SEC31A: variants seen among roughly 807,000 people sequenced by gnomAD.
SEC31A encodes protein transport protein Sec31A.
Under a neutral mutation model 151.0 loss-of-function variants are expected in SEC31A, and 70 were observed. That is an observed-to-expected ratio of 0.46 (90% confidence interval 0.38 to 0.57). SEC31A has a LOEUF of 0.57. Among genes scored for constraint, SEC31A ranks in the 20% least tolerant of loss-of-function variants. The pLI is 0.00. For missense variants in SEC31A, 1,330 were observed against 1,471.2 expected (o/e 0.90, Z 1.57); for synonymous variants, 475 against 505.9 (o/e 0.94, Z 0.82).
chr4:82,870,226 A>G (rs1736338430), intron 8 of SEC31A, 99 bp downstream of exon 8: 5 of 831,928 alleles, frequency 6.0e-6, no homozygotes, highest in South Asian at 1.7e-5. Context: ...TACTCTTCAC[A>G]TAGTAATCCA....
chr4:82,867,664 C>G (rs767100619), intron 8 of SEC31A, among the ~76,000 whole-genome samples: 7 of 152,070 alleles, frequency 4.6e-5, no homozygotes, highest in Non-Finnish European at 7.4e-5. Context: ...CAGGGTCTCG[C>G]TCTGTCGCCC....
intron 22 of SEC31A, among the ~76,000 whole-genome samples, chr4:82,834,726 T>C (rs182969258): frequency 2.0e-5 from 3 of 152,340 alleles, no homozygotes; most frequent in South Asian, 4.1e-4. Context: ...ACAGTCCTTT[T>C]ATTAATTTAA....
chr4:82,842,023 G>T, intron 22 of SEC31A, 117 bp downstream of exon 22: 1 of 834,276 alleles, frequency 1.2e-6, no homozygotes, highest in Non-Finnish European at 1.8e-6. Context: ...CCAAACCTCA[G>T]TCAACACCTC....
At chr4:82,892,061 CCA>C (rs566393128), upstream of SEC31A, among the ~76,000 whole-genome samples, 719 of 152,322 alleles carry the variant, frequency 4.7e-3, 3 homozygotes, top group Non-Finnish European at 8.1e-3. Flanking sequence ...GTTAACATTC[CCA>C]CAGTCAGCTA....
intron 22 of SEC31A, chr4:82,831,045 ATTGTTTCTTCTCCC>A: frequency 1.8e-6 from 1 of 547,926 alleles, no homozygotes; most frequent in Non-Finnish European, 2.5e-6. Context: ...TCATTTTATA[ATTGTTTCTTCTCCC>A]TTCATTAATC....
intron 16 of SEC31A, 62 bp from the exon 17 acceptor site, chr4:82,855,091 T>C: frequency 7.3e-7 from 1 of 1,365,852 alleles, no homozygotes; most frequent in Non-Finnish European, 9.8e-7. Flanking sequence ...AAATTAATTC[T>C]GACTAATTAA....
intron 1 of SEC31A, chr4:82,890,749 A>T: frequency 8.6e-7 from 1 of 1,158,368 alleles, no homozygotes; most frequent in South Asian, 3.7e-5. Flanking sequence ...CGGGGACCGC[A>T]CCTCTTTGTG....
chr4:82,845,217 G>A, intron 20 of SEC31A: 1 of 1,532,784 alleles, frequency 6.5e-7, no homozygotes, highest in Non-Finnish European at 8.7e-7. Context: ...GTCAGAGGGA[G>A]AGGCTGCAGG....
chr4:82,836,463 T>C (rs1727330909), intron 22 of SEC31A, among the ~76,000 whole-genome samples: 1 of 149,698 alleles, frequency 6.7e-6, no homozygotes, highest in Non-Finnish European at 1.5e-5. Context: ...TTATTCACAA[T>C]AGACAAAGTG....
chr4:82,893,165 C>A (rs1020749), upstream of SEC31A: 1 of 152,044 alleles, frequency 6.6e-6, no homozygotes, highest in Admixed American at 6.5e-5. Context: ...ACATCCAGGG[C>A]GCAAGTGATC....
intron 22 of SEC31A, among the ~76,000 whole-genome samples, chr4:82,834,018 G>C (rs945973083): frequency 1.5e-4 from 23 of 152,080 alleles, no homozygotes; most frequent in Non-Finnish European, 1.2e-4. Flanking sequence ...TTTTCATCTG[G>C]GGTTTACCTG....
chr4:82,883,912 T>C (rs1274196208), intron 1 of SEC31A, among the ~76,000 whole-genome samples: 1 of 151,870 alleles, frequency 6.6e-6, no homozygotes, highest in Admixed American at 6.6e-5. Flanking sequence ...TTTGTATGAC[T>C]ATGGGTAAAC....
chr4:82,850,922 C>T (rs1731320550), intron 19 of SEC31A, among the ~76,000 whole-genome samples: 1 of 152,272 alleles, frequency 6.6e-6, no homozygotes, highest in East Asian at 1.9e-4. Context: ...TAAGTAAGGA[C>T]AATCTAATTA....
At position 82,866,785 on chromosome 4, in the gene SEC31A, CCATAAAA is replaced by C; in HGVS notation, c.1197+16_1197+22del. On this transcript the variant is annotated intron_variant, in intron 10 of 26. Coordinates refer to ENST00000395310, the MANE Select transcript of SEC31A (RefSeq NM_001077207.4). Reference sequence around the variant, plus strand: ...ATAAAAAGTCCTTTGTGCCTATGGACCATAAAAACAAAATCCACCTACTGAAAAAGAA... The same window carrying C: ...ATAAAAAGTCCTTTGTGCCTATGGACACAAAATCCACCTACTGAAAAAGAA... 1 of 1,593,576 alleles carries C rather than the reference CCATAAAA, an allele frequency of 6.3e-7. No individual in the cohort carries two copies. Among genetic ancestry groups the C allele is most frequent in the Non-Finnish European group, 8.5e-7 (1 of 1,173,396 alleles).
chr4:82,820,981 T>C, intron 26 of SEC31A, 56 bp downstream of exon 26: 1 of 1,460,022 alleles, frequency 6.8e-7, no homozygotes, highest in Non-Finnish European at 9.6e-7. Context: ...AGACAACTGT[T>C]TTACTAGCAA....
chr4:82,846,366 C>CATCATCATAATA (rs1553928443), intron 20 of SEC31A, among the ~76,000 whole-genome samples: 30 of 140,546 alleles, frequency 2.1e-4, no homozygotes, highest in African/African-American at 7.8e-4. Flanking sequence ...AACTCCAAAA[C>CATCATCATAATA]ATAATAATAA....
In SEC31A at chr4:82,872,046, G is replaced by C. The variant is rs936800902; in HGVS notation, c.680C>G (p.Thr227Ser). The change falls in exon 7 of 27, where the codon ACT (threonine) becomes AGT (serine). Residue 227 changes from threonine (T) to serine (S), a missense_variant. Thr to Ser is a moderately conservative substitution (Grantham distance 58, BLOSUM62 1). Transcript: ENST00000395310. Reference protein sequence around the residue: ...SGLAWHPDVATQMVLASEDDR... With the variant: ...SGLAWHPDVASQMVLASEDDR... ...ATCCTCGGAGGCAAGGACCATCTGA[G>C]TAGCAACATCAGGATGCCATGCCAA... is the stretch of plus-strand genomic sequence containing the variant. 1.2e-6 allele frequency: 2 copies of C among 1,614,108 alleles called. No individual in the cohort carries two copies. Among genetic ancestry groups the C allele is most frequent in the Non-Finnish European group, 1.7e-6 (2 of 1,179,992 alleles).
At chr4:82,888,711 A>T (rs1007435747) in intron 1 of SEC31A, among the ~76,000 whole-genome samples, 7 of 152,078 alleles carry the variant, frequency 4.6e-5, no homozygotes, top group South Asian at 2.1e-4. Flanking sequence ...AAAAAAAAAA[A>T]AATTTCTTGA....
Position 82,842,459 on chromosome 4 carries a change from A to G in SEC31A, c.2649T>C (p.Tyr883=). 1 of 1,612,918 alleles carries G rather than the reference A, an allele frequency of 6.2e-7. No individual in the cohort carries two copies. Among genetic ancestry groups the G allele is most frequent in the African/African-American group, 1.3e-5 (1 of 75,010 alleles). Residue 883 remains tyrosine (Y), a synonymous_variant, in exon 22 of 27, where the codon TAT becomes TAC. Coordinates refer to ENST00000395310, the MANE Select transcript of SEC31A (RefSeq NM_001077207.4). ...QPQPYQPAQP[Y]PFGTGGSAMY... ...TTGCTGACCCCCCTGTTCCGAAGGGATACGGCTGGGCTGGTTGATAAGCTA... is the reference window on the plus strand; with the variant it reads ...TTGCTGACCCCCCTGTTCCGAAGGGGTACGGCTGGGCTGGTTGATAAGCTA...
Sources: allele counts gnomAD v4.1 joint callset (sites outside exome capture counted in the v4.1 genomes callset), GRCh38; gene constraint gnomAD v4.1.1; transcripts MANE v1.5; gene names NCBI Gene and HGNC (gene_info 2026-07-23, HGNC 2026-07-21).